The following ITGA9 variants were observed in gnomAD, a reference collection of about 807,000 sequenced individuals.
ITGA9 encodes integrin alpha-9.
Under a neutral mutation model 127.8 loss-of-function variants are expected in ITGA9, and 56 were observed. The ratio of observed to expected loss-of-function variants is 0.44; its 90% CI spans 0.35 to 0.55. The LOEUF is 0.55. Ranked by LOEUF, ITGA9 falls within the 20% of genes least tolerant of loss-of-function variation. The probability of loss-of-function intolerance (pLI) is 0.00; values close to 1 mark genes in which losing one functional copy is unlikely to be tolerated. For synonymous variants in ITGA9, 508 were observed against 514.5 expected (o/e 0.99, Z 0.17); for missense variants, 1,196 against 1,347.1 (o/e 0.89, Z 1.76).
chr3:37,473,929 A>G (rs1358082585), intron 3 of ITGA9, among the ~76,000 whole-genome samples: 1 of 152,116 alleles, frequency 6.6e-6, no homozygotes. Context: ...TGTATAATAC[A>G]TTACTTTTGC....
At chr3:37,614,311 T>C (rs934702132) in intron 15 of ITGA9, among the ~76,000 whole-genome samples, 74 of 151,926 alleles carry the variant, frequency 4.9e-4, no homozygotes, top group Non-Finnish European at 8.7e-4. Context: ...TCTGTTCTGT[T>C]CCATTGATCT....
chr3:37,539,092 C>T (rs1699241590), intron 14 of ITGA9, among the ~76,000 whole-genome samples: 1 of 152,202 alleles, frequency 6.6e-6, no homozygotes, highest in Non-Finnish European at 1.5e-5. Flanking sequence ...CCTTGAGTTG[C>T]AAGAGATCAG....
In ITGA9 at chr3:37,818,895, G is replaced by A; in HGVS notation, c.3014G>A (p.Gly1005Asp). The stretch of plus-strand genomic sequence containing the variant: ...CTCTTTCTTTCTGCCTTTCAGATGG[G>A]CTTCTTTCGCCGAAGGTACAAAGAA... The part of the protein sequence containing the change: ...LLLAVLLWKM[G>D]FFRRRYKEII... Residue 1005 changes from glycine (G) to aspartate (D), a missense_variant, in exon 28 of 28, where the codon GGC becomes GAC. Physicochemically the swap from Gly to Asp is moderately conservative, Grantham distance 94. Transcript: ENST00000264741. 6.2e-7 allele frequency: 1 copy of A among 1,612,592 alleles called. No homozygotes were observed. The highest frequency in any genetic ancestry group is 8.5e-7 in the Non-Finnish European group (1 of 1,178,692).
At chr3:37,600,496 G>A (rs1428579437) in intron 15 of ITGA9, among the ~76,000 whole-genome samples, 1 of 152,116 alleles carries the variant, frequency 6.6e-6, no homozygotes, top group Non-Finnish European at 1.5e-5. Context: ...AAGCAGGCCC[G>A]GAGAAGGAAT....
At chr3:37,772,858 G>C (rs933440995) in intron 23 of ITGA9, among the ~76,000 whole-genome samples, 1 of 152,128 alleles carries the variant, frequency 6.6e-6, no homozygotes, top group Non-Finnish European at 1.5e-5. Flanking sequence ...CCCCTTTCCA[G>C]ATCCCACCAG....
intron 15 of ITGA9, among the ~76,000 whole-genome samples, chr3:37,561,921 C>G (rs922823658): frequency 6.6e-6 from 1 of 152,206 alleles, no homozygotes; most frequent in Non-Finnish European, 1.5e-5. Context: ...TAAGCAAGCA[C>G]TATTGTGCTT....
chr3:37,496,569 C>T (rs1698732462), intron 5 of ITGA9, among the ~76,000 whole-genome samples: 1 of 152,210 alleles, frequency 6.6e-6, no homozygotes, highest in African/African-American at 2.4e-5. Context: ...TTGCTTCCAC[C>T]CTTGCCTCTG....
chr3:37,812,307 A>C (rs1215953604), intron 27 of ITGA9, among the ~76,000 whole-genome samples: 1 of 152,262 alleles, frequency 6.6e-6, no homozygotes. Flanking sequence ...GTCTTGAGTT[A>C]GTCCAAAAAA....
intron 18 of ITGA9, among the ~76,000 whole-genome samples, chr3:37,731,598 C>T (rs1031012301): frequency 3.9e-5 from 6 of 152,078 alleles, no homozygotes; most frequent in African/African-American, 1.4e-4. Flanking sequence ...GTTTAACAAA[C>T]AAACAAAAAT....
intron 14 of ITGA9, among the ~76,000 whole-genome samples, chr3:37,539,344 G>A (rs1699243881): frequency 6.6e-6 from 1 of 152,202 alleles, no homozygotes; most frequent in East Asian, 1.9e-4. Context: ...CAGTGAGACA[G>A]GAAAGGAAGG....
intron 27 of ITGA9, chr3:37,808,617 T>C (rs895290712): frequency 2.0e-5 from 3 of 152,170 alleles, no homozygotes; most frequent in African/African-American, 7.2e-5. Context: ...ATCTGACAAA[T>C]TTCTGGGTCA....
intron 15 of ITGA9, among the ~76,000 whole-genome samples, chr3:37,560,266 G>T (rs941595664): frequency 6.6e-5 from 10 of 152,148 alleles, no homozygotes; most frequent in African/African-American, 2.4e-4. Flanking sequence ...CCGTGTCCCT[G>T]CAAAGGACAT....
At chr3:37,575,343 G>A (rs912730818) in intron 15 of ITGA9, among the ~76,000 whole-genome samples, 3 of 152,186 alleles carry the variant, frequency 2.0e-5, no homozygotes, top group African/African-American at 7.2e-5. Flanking sequence ...ACCTACTAGT[G>A]TTTTGTTGAG....
chr3:37,489,629 A>G (rs755598393), intron 4 of ITGA9, among the ~76,000 whole-genome samples: 27 of 149,434 alleles, frequency 1.8e-4, no homozygotes, highest in Non-Finnish European at 3.4e-4. Flanking sequence ...CCCCATTTAT[A>G]TGGTGGTCCC....
intron 25 of ITGA9, among the ~76,000 whole-genome samples, chr3:37,782,233 C>A (rs887911572): frequency 3.3e-5 from 5 of 152,240 alleles, no homozygotes; most frequent in African/African-American, 9.6e-5. Context: ...TTGCCACTGT[C>A]CATAGAGCCC....
chr3:37,686,971 G>A (rs1700788421), intron 18 of ITGA9, among the ~76,000 whole-genome samples: 1 of 152,168 alleles, frequency 6.6e-6, no homozygotes, highest in Non-Finnish European at 1.5e-5. Flanking sequence ...ACAACCCACA[G>A]GCCTAACAGG....
chr3:37,488,044 G>C (rs770257732), intron 4 of ITGA9, among the ~76,000 whole-genome samples: 1 of 152,180 alleles, frequency 6.6e-6, no homozygotes, highest in African/African-American at 2.4e-5. Flanking sequence ...GGAACATTTG[G>C]TTTCAGTATC....
chr3:37,481,894 C>G (rs907433247), intron 4 of ITGA9, among the ~76,000 whole-genome samples: 2 of 152,224 alleles, frequency 1.3e-5, no homozygotes, highest in African/African-American at 4.8e-5. Flanking sequence ...CGAAATTCAC[C>G]AAGCCTCAGC....
chr3:37,549,210 G>A (rs1043785663), intron 15 of ITGA9, among the ~76,000 whole-genome samples: 1 of 152,198 alleles, frequency 6.6e-6, no homozygotes, highest in Non-Finnish European at 1.5e-5. Flanking sequence ...CATGGGAGCT[G>A]ATATCTCCGA....
Sources: gnomAD v4.1 joint callset for allele counts (sites outside exome capture counted in the v4.1 genomes callset) on GRCh38, gnomAD v4.1.1 for gene constraint, MANE v1.5 for transcripts, NCBI Gene and HGNC (gene_info 2026-07-23, HGNC 2026-07-21) for gene names.